Variants in SEMA4G observed in about 807,000 individuals in gnomAD.
The protein encoded by SEMA4G is semaphorin-4G.
SEMA4G carries 59 observed loss-of-function variants against 81.2 expected under a neutral mutation model. The ratio of observed to expected loss-of-function variants is 0.73; its 90% CI spans 0.59 to 0.90. The LOEUF (loss-of-function observed/expected upper bound fraction) is 0.90, where lower values mean the gene tolerates loss of function less well. Among genes scored for constraint, SEMA4G ranks in the 40% least tolerant of loss-of-function variants. The pLI is 0.00. For missense variants in SEMA4G, 952 were observed against 1,102.3 expected, an observed-to-expected ratio of 0.86 and a Z score of 1.93; for synonymous variants, 404 against 433.9, an observed-to-expected ratio of 0.93 and a Z score of 0.86.
At chr10:100,981,279 G>A (rs775319259) in intron 13 of SEMA4G, 50 bp downstream of exon 14, 2 of 1,599,078 alleles carry the variant, frequency 1.3e-6, no homozygotes, top group South Asian at 1.1e-5. Context: ...TGTCCTCTTT[G>A]CCATTTACTG....
At chr10:100,979,876 C>T (rs369063086) in exon 9 of SEMA4G, 29 of 1,613,856 alleles carry the variant, frequency 1.8e-5, no homozygotes, top group Admixed American at 1.0e-4. Context: ...AGCCATCTGC[C>T]GCTATGACCT....
Position 100,977,621 on chromosome 10 carries a change from TCATCC to T in SEMA4G, c.337-8_337-4del. On this transcript the variant is annotated splice_polypyrimidine_tract_variant and splice_region_variant and intron_variant, in intron 3 of 13. Coordinates refer to ENST00000370250, the Ensembl canonical transcript of SEMA4G. Reference sequence around the variant, plus strand: ...CAGGGGGCTCACAGCCCTCTCCACCTCATCCCACAGACGGAGTGCTTTAACCATGT... The same window carrying T: ...CAGGGGGCTCACAGCCCTCTCCACCTCACAGACGGAGTGCTTTAACCATGT... The T allele has an allele frequency of 6.2e-7, 1 of 1,612,288 alleles. No homozygotes were observed.
chr10:100,983,459 C>G (rs142773171), exon 14 of SEMA4G: 1 of 1,613,986 alleles, frequency 6.2e-7, no homozygotes, highest in Non-Finnish European at 8.5e-7. Flanking sequence ...TGGGCGTGGA[C>G]GGGCTGCTGG....
intron 3 of SEMA4G, chr10:100,975,081 T>C (rs1242896225): frequency 9.5e-6 from 5 of 525,596 alleles, no homozygotes; most frequent in Non-Finnish European, 1.9e-5. Flanking sequence ...GCAGCACAGG[T>C]AGAAAATGGG....
intron 5 of SEMA4G, 49 bp downstream of exon 6, chr10:100,978,437 G>C (rs1264750910): frequency 1.2e-6 from 2 of 1,600,490 alleles, no homozygotes; most frequent in African/African-American, 1.3e-5. Context: ...TTAGGATGTG[G>C]ATCTCATCTC....
Position 100,981,627 on chromosome 10 carries a change from A to G in SEMA4G, c.1690+398A>G, listed in dbSNP as rs1851080885. ...GCCAGACACTGATCTAAATACTTCT[A>G]TGCATGATGTCATCTACTGTCACAG... On this transcript the variant is annotated intron_variant, in intron 13 of 13. Transcript: ENST00000370250. 2.0e-6 allele frequency: 3 copies of G among 1,498,380 alleles called. No homozygotes were observed. The Admixed American group carries it at 5.1e-5, about 25-fold the overall frequency. 92.8% of individuals were successfully genotyped at this position (1,498,380 alleles called of 1,614,324 possible). A position where few individuals can be genotyped will look rare whatever the true frequency, so the allele number is the denominator to read the frequency against.
chr10:100,976,068 C>A (rs1400473095), intron 3 of SEMA4G, among the ~76,000 whole-genome samples: 1 of 151,950 alleles, frequency 6.6e-6, no homozygotes, highest in Non-Finnish European at 1.5e-5. Flanking sequence ...CCTGAGCAGG[C>A]TTATGGAGAC....
At chr10:100,984,028 G>A in exon 14 of SEMA4G, 1 of 1,613,608 alleles carries the variant, frequency 6.2e-7, no homozygotes, top group South Asian at 1.1e-5. Context: ...AGCAACAATG[G>A]AGTACCAGCA....
At chr10:100,980,051 G>A (rs897259843) in intron 9 of SEMA4G, 59 bp downstream of exon 10, 8 of 1,613,562 alleles carry the variant, frequency 5.0e-6, no homozygotes, top group African/African-American at 1.3e-5. Flanking sequence ...AGGGTCAAAG[G>A]GTCTGGCCTT....
chr10:100,980,997 G>GGTGGGAA lies in SEMA4G; in HGVS notation c.1628+20_1628+26dup, dbSNP rs752410519. ...ATAGCCAACAGGTCCCAGGGAAGCA[G>GGTGGGAA]GTGGGAAGTGGTGGGGGGTGACAGT... On this transcript the variant is annotated intron_variant, in intron 12 of 13. Transcript: ENST00000370250. The GGTGGGAA allele has an allele frequency of 1.9e-6, 3 of 1,593,086 alleles. No individual in the cohort carries two copies. The Admixed American group carries it at 5.2e-5, about 28-fold the overall frequency.
chr10:100,980,141 GCAGCCAAGGCTA>G, exon 10 of SEMA4G: 1 of 1,614,198 alleles, frequency 6.2e-7, no homozygotes, highest in Non-Finnish European at 8.5e-7. Context: ...GATTCATTGC[GCAGCCAAGGCTA>G]CAATTCATCC....
chr10:100,972,819 T>C lies in SEMA4G; in HGVS notation c.-94T>C, dbSNP rs1850669092. On this transcript the variant is annotated 5_prime_UTR_variant, in exon 1 of 14. The change abolishes the stop of an existing upstream ORF in the 5' untranslated region. Coordinates refer to ENST00000370250, the Ensembl canonical transcript of SEMA4G. Reference sequence around the variant, plus strand: ...CCTTCCAAGTGACTTCCTTGGACTTTGACCCCTGTGACTGTGCTTCCCATT... The same window carrying C: ...CCTTCCAAGTGACTTCCTTGGACTTCGACCCCTGTGACTGTGCTTCCCATT... 3.5e-6 allele frequency: 5 copies of C among 1,408,858 alleles called. No homozygotes were observed. The East Asian group carries it at 1.1e-4, about 32-fold the overall frequency. 87.3% of individuals were successfully genotyped at this position (1,408,858 alleles called of 1,614,324 possible).
At chr10:100,971,115 CAT>C (rs1491418249), upstream of SEMA4G, among the ~76,000 whole-genome samples, 3 of 53,890 alleles carry the variant, frequency 5.6e-5, no homozygotes, top group East Asian at 3.1e-4. Flanking sequence ...TCCTTGTGAA[CAT>C]GTGTGTGTGT....
At position 100,979,900 on chromosome 10, in the gene SEMA4G, G is replaced by A. The variant is rs1372385660; in HGVS notation, c.1036G>A (p.Ala346Thr). The change falls in exon 9 of 14, where the codon GCT becomes ACT. Residue 346 changes from alanine (A) to threonine (T), a missense_variant. By Grantham distance (58) the Ala-to-Thr change is moderately conservative. Transcript: ENST00000370250. Reference sequence around the variant, plus strand: ...CCGCTATGACCTGGCAGAGATCCAGGCTGTCTTTGCAGGACCCTATATGGA... The same window carrying A: ...CCGCTATGACCTGGCAGAGATCCAGACTGTCTTTGCAGGACCCTATATGGA... The A allele has an allele frequency of 9.3e-6, 15 of 1,613,996 alleles. No individual in the cohort carries two copies. Among genetic ancestry groups the A allele is most frequent in the Admixed American group, 1.7e-5 (1 of 60,004 alleles).
chr10:100,982,976 C>G (rs1851183371), intron 13 of SEMA4G, among the ~76,000 whole-genome samples: 1 of 152,098 alleles, frequency 6.6e-6, no homozygotes, highest in African/African-American at 2.4e-5. Context: ...GTGGAGATGC[C>G]CAGCACATGG....
intron 3 of SEMA4G, among the ~76,000 whole-genome samples, chr10:100,976,067 G>GA (rs1850766917): frequency 6.6e-6 from 1 of 152,126 alleles, no homozygotes; most frequent in Non-Finnish European, 1.5e-5. Flanking sequence ...GCCTGAGCAG[G>GA]CTTATGGAGA....
exon 14 of SEMA4G, chr10:100,983,846 G>C: frequency 1.3e-6 from 2 of 1,591,128 alleles, no homozygotes; most frequent in African/African-American, 2.7e-5. Context: ...GTGATGATGA[G>C]GGGGCTGGGG....
chr10:100,982,208 AGCAGAGGGAGCAGCAG>A (rs1247074328), intron 13 of SEMA4G, among the ~76,000 whole-genome samples: 1 of 151,964 alleles, frequency 6.6e-6, no homozygotes, highest in Admixed American at 6.6e-5. Flanking sequence ...GTGACATGCA[AGCAGAGGGAGCAGCAG>A]GCAGAGGGAG....
intron 3 of SEMA4G, among the ~76,000 whole-genome samples, chr10:100,975,737 G>A (rs749702079): frequency 1.3e-5 from 2 of 151,930 alleles, no homozygotes; most frequent in Non-Finnish European, 2.9e-5. Context: ...ACATCCATGC[G>A]AGTAGTAGTC....
Sources: allele counts gnomAD v4.1 joint callset (sites outside exome capture counted in the v4.1 genomes callset), GRCh38; gene constraint gnomAD v4.1.1; transcripts MANE v1.5; gene names NCBI Gene and HGNC (gene_info 2026-07-23, HGNC 2026-07-21).